Variants in OR8B2 observed in about 807,000 individuals in gnomAD.
The protein encoded by OR8B2 is olfactory receptor 8B2.
For synonymous variants in OR8B2, 98 were observed against 138.2 expected, an observed-to-expected ratio of 0.71 and a Z score of 2.04; for missense variants, 304 against 379.6, an observed-to-expected ratio of 0.80 and a Z score of 1.65.
the OR8B2 span, among the ~76,000 whole-genome samples, chr11:124,393,748 A>G: frequency 1.3e-5 from 2 of 151,404 alleles, no homozygotes; most frequent in Non-Finnish European, 2.9e-5. Context: ...AGCCATCCCA[A>G]TACTGGGTAT....
intron 1 of OR8B2, 79 bp downstream of exon 1, chr11:124,384,295 T>C (rs968054031): frequency 1.3e-5 from 2 of 151,982 alleles, no homozygotes; most frequent in African/African-American, 4.8e-5. Context: ...TACCACTAAG[T>C]TTCTTGCTAT....
upstream of OR8B2, among the ~76,000 whole-genome samples, chr11:124,384,638 C>T (rs538259439): frequency 3.3e-5 from 5 of 152,130 alleles, no homozygotes; most frequent in South Asian, 2.1e-4. Flanking sequence ...CCACCATGTC[C>T]ACCGTCATAG....
upstream of OR8B2, among the ~76,000 whole-genome samples, chr11:124,386,269 T>G (rs962496638): frequency 6.6e-6 from 1 of 151,818 alleles, no homozygotes; most frequent in Non-Finnish European, 1.5e-5. Context: ...ATTTTATTAT[T>G]ATTATACTTT....
the OR8B2 span, among the ~76,000 whole-genome samples, chr11:124,390,958 T>C: frequency 2.6e-5 from 4 of 152,284 alleles, no homozygotes; most frequent in Non-Finnish European, 5.9e-5. Flanking sequence ...TCCTTATGGA[T>C]AGGCAGTACA....
upstream of OR8B2, among the ~76,000 whole-genome samples, chr11:124,385,413 A>G (rs1860681635): frequency 6.6e-6 from 1 of 152,118 alleles, no homozygotes; most frequent in South Asian, 2.1e-4. Context: ...CAACTGTAGG[A>G]CAATAGCAAA....
chr11:124,382,826 A>T lies in OR8B2; in HGVS notation c.518T>A (p.Ile173Asn), dbSNP rs767443736. Residue 173 changes from isoleucine (I) to asparagine (N), a missense_variant, in exon 2 of 2, where the codon ATC becomes AAC. Coordinates refer to ENST00000641451, the MANE Select transcript of OR8B2 (RefSeq NM_001005468.2). ...TATGTCACACAAGTAATGGTTGATG[A>T]TATTAGCACTGCAGAAGGTGAGTCT... The part of the protein sequence containing the change: ...MLRLTFCSAN[I>N]INHYLCDILP... 5 of 1,603,630 alleles carry T rather than the reference A, an allele frequency of 3.1e-6. No individual in the cohort carries two copies. The highest frequency in any genetic ancestry group is 3.4e-6 in the Non-Finnish European group (4 of 1,171,638).
chr11:124,395,036 A>C, the OR8B2 span, among the ~76,000 whole-genome samples: 1 of 152,000 alleles, frequency 6.6e-6, no homozygotes, highest in Non-Finnish European at 1.5e-5. Context: ...GTAGGGAGGC[A>C]TGATGGTGTG....
At chr11:124,389,409 C>T (rs1200599575), upstream of OR8B2, among the ~76,000 whole-genome samples, 1 of 152,118 alleles carries the variant, frequency 6.6e-6, no homozygotes, top group African/African-American at 2.4e-5. Context: ...AGGAATAAGA[C>T]AGCTTACACC....
At chr11:124,386,172 C>CT (rs55659023), upstream of OR8B2, among the ~76,000 whole-genome samples, 55,219 of 146,436 alleles carry the variant, frequency 0.38, 11,172 homozygotes, top group African/African-American at 0.56. Context: ...CTAATTCTAC[C>CT]TTTTTTTTTT....
the OR8B2 span, among the ~76,000 whole-genome samples, chr11:124,389,821 A>G: frequency 1.3e-5 from 2 of 152,178 alleles, no homozygotes; most frequent in African/African-American, 2.4e-5. Context: ...ATCAGAAAAG[A>G]TCCTGCCAAA....
chr11:124,390,814 A>T, the OR8B2 span, among the ~76,000 whole-genome samples: 1 of 151,820 alleles, frequency 6.6e-6, no homozygotes, highest in South Asian at 2.1e-4. Context: ...TAAGAAATCT[A>T]TGCCTGCACC....
the OR8B2 span, among the ~76,000 whole-genome samples, chr11:124,394,156 G>A: frequency 6.6e-6 from 1 of 151,124 alleles, no homozygotes; most frequent in East Asian, 2.0e-4. Context: ...AATGCTAAAT[G>A]AGGAGTTAAT....
chr11:124,382,756 C>G lies in OR8B2; in HGVS notation c.588G>C (p.Glu196Asp), dbSNP rs772322898. ...TACCCACAACAATGAGAACAACCAC[C>G]TCGTTGACATAGGTGCTGGTGCAGG... ...QLSCTSTYVN[E>D]VVVLIVVGTN... Residue 196 changes from glutamate to aspartate, a missense_variant, in exon 2 of 2, where the codon GAG (glutamate) becomes GAC (aspartate). Transcript: ENST00000641451. 1.9e-6 allele frequency: 3 copies of G among 1,613,676 alleles called. No homozygotes were observed. Among genetic ancestry groups the G allele is most frequent in the Non-Finnish European group, 2.5e-6 (3 of 1,179,810 alleles).
At chr11:124,396,476 C>T in the OR8B2 span, 6 of 1,613,842 alleles carry the variant, frequency 3.7e-6, no homozygotes, top group Admixed American at 3.3e-5. Flanking sequence ...CATCCTTGTT[C>T]CTCAAACTGT....
chr11:124,385,739 TC>T, upstream of OR8B2, among the ~76,000 whole-genome samples: 1 of 151,488 alleles, frequency 6.6e-6, no homozygotes, highest in Non-Finnish European at 1.5e-5. Flanking sequence ...CAATAGATCG[TC>T]CCACCTCAGC....
chr11:124,389,068 C>T (rs979094240), upstream of OR8B2, among the ~76,000 whole-genome samples: 1 of 152,044 alleles, frequency 6.6e-6, no homozygotes, highest in Non-Finnish European at 1.5e-5. Flanking sequence ...TCATGATCCG[C>T]CTGCCTCGGC....
At chr11:124,390,450 A>T in the OR8B2 span, among the ~76,000 whole-genome samples, 1 of 152,222 alleles carries the variant, frequency 6.6e-6, no homozygotes, top group South Asian at 2.1e-4. Flanking sequence ...CACCAATGAT[A>T]GCGGATCAGC....
the OR8B2 span, among the ~76,000 whole-genome samples, chr11:124,393,297 C>G: frequency 0.29 from 39,269 of 135,372 alleles, 6,520 homozygotes; most frequent in South Asian, 0.35. Flanking sequence ...TTCTGCACAA[C>G]AAAAGAAACT....
Position 124,384,423 on chromosome 11 carries a change from C to T in OR8B2, c.-67G>A, listed in dbSNP as rs1860660068. 1 of 152,178 alleles carries T rather than the reference C, an allele frequency of 6.6e-6. No individual in the cohort carries two copies. The highest frequency in any genetic ancestry group is 6.6e-5 in the Admixed American group (1 of 15,266). The allele number at this position is 152,178 out of a possible 1,614,324, so 9.4% of individuals were successfully genotyped here. Reference sequence around the variant, plus strand: ...TGCTGACCATTGATATGTGTTTCACCTCCACTGCCCTGGAGGTAGAACTGG... The same window carrying T: ...TGCTGACCATTGATATGTGTTTCACTTCCACTGCCCTGGAGGTAGAACTGG... On this transcript the variant is annotated 5_prime_UTR_variant, in exon 1 of 2. Transcript: ENST00000641451.
Sources: allele counts gnomAD v4.1 joint callset (sites outside exome capture counted in the v4.1 genomes callset), GRCh38; gene constraint gnomAD v4.1.1; transcripts MANE v1.5; gene names NCBI Gene and HGNC (gene_info 2026-07-23, HGNC 2026-07-21).